The following DNAH7 variants were observed in gnomAD, a reference collection of about 807,000 sequenced individuals.
DNAH7 encodes dynein axonemal heavy chain 7, also known as axonemal beta dynein heavy chain 7.
In DNAH7, 397 loss-of-function variants were observed where a neutral mutation model predicts 444.6. The observed-to-expected ratio is 0.89, with a 90% CI of 0.82 to 0.97. The LOEUF (loss-of-function observed/expected upper bound fraction) is 0.97, where lower values mean the gene tolerates loss of function less well. Ranked by LOEUF, DNAH7 falls within the 50% of genes least tolerant of loss-of-function variation. DNAH7 has a pLI of 0.00. For synonymous variants in DNAH7, 1,636 were observed against 1,624.4 expected, an observed-to-expected ratio of 1.01 and a Z score of -0.17; for missense variants, 4,902 against 4,800.8, an observed-to-expected ratio of 1.02 and a Z score of -0.62.
chr2:195,914,459 A>G (rs1348851127), intron 24 of DNAH7, among the ~76,000 whole-genome samples: 1 of 152,170 alleles, frequency 6.6e-6, no homozygotes, highest in Admixed American at 6.5e-5. Context: ...AGGTTCTTCA[A>G]GTGATTGGGC....
chr2:195,833,571 T>A (rs1300712848), intron 48 of DNAH7, among the ~76,000 whole-genome samples: 1 of 152,238 alleles, frequency 6.6e-6, no homozygotes, highest in East Asian at 1.9e-4. Context: ...GCTACATGAA[T>A]TTAAAGCATG....
intron 35 of DNAH7, among the ~76,000 whole-genome samples, chr2:195,883,450 C>A (rs1701528642): frequency 7.3e-6 from 1 of 136,478 alleles, no homozygotes; most frequent in Admixed American, 6.9e-5. Context: ...TCAGTCCCCG[C>A]TCCCCCCCCC....
intron 29 of DNAH7, among the ~76,000 whole-genome samples, 170 bp from the exon 30 acceptor site, chr2:195,895,394 A>G (rs1384707622): frequency 6.6e-6 from 1 of 152,058 alleles, no homozygotes; most frequent in African/African-American, 2.4e-5. Flanking sequence ...CTTTTTTTCA[A>G]TTTTTAAATT....
chr2:195,761,406 T>C (rs982100869), intron 61 of DNAH7, among the ~76,000 whole-genome samples: 3 of 152,034 alleles, frequency 2.0e-5, no homozygotes, highest in African/African-American at 7.2e-5. Flanking sequence ...GAGATATATA[T>C]GGGAAGAAAG....
chr2:195,897,141 T>C (rs1394318154), intron 29 of DNAH7, among the ~76,000 whole-genome samples: 1 of 152,214 alleles, frequency 6.6e-6, no homozygotes, highest in African/African-American at 2.4e-5. Flanking sequence ...AAGGATATTA[T>C]GAAAACTTTA....
intron 63 of DNAH7, among the ~76,000 whole-genome samples, chr2:195,753,753 T>G (rs1173009228): frequency 3.9e-5 from 6 of 152,188 alleles, no homozygotes. Context: ...AGCCATAAAG[T>G]GTAGACAATC....
intron 1 of DNAH7, among the ~76,000 whole-genome samples, chr2:196,058,992 G>A (rs1452520657): frequency 6.6e-6 from 1 of 152,026 alleles, no homozygotes; most frequent in African/African-American, 2.4e-5. Flanking sequence ...GAGATCAAGG[G>A]AATAGAATTA....
Position 195,794,363 on chromosome 2 carries a change from T to G in DNAH7, c.10691A>C (p.Glu3564Ala). Residue 3564 changes from glutamate (E) to alanine (A), a missense_variant, in exon 57 of 65, where the codon GAG (glutamate) becomes GCG (alanine). By Grantham distance (107) the Glu-to-Ala change is moderately radical. Coordinates refer to ENST00000312428, the MANE Select transcript of DNAH7 (RefSeq NM_018897.3). The part of the protein sequence containing the change: ...SYLMDPISDP[E>A]FFGSCKKPEE... ...AGGCTTTTTGCAGCTGCCAAAGAACTCCGGATCAGAGATCGGGTCCATGAG... is the reference window on the plus strand; with the variant it reads ...AGGCTTTTTGCAGCTGCCAAAGAACGCCGGATCAGAGATCGGGTCCATGAG... 1 of 1,614,154 alleles carries G rather than the reference T, an allele frequency of 6.2e-7. No individual in the cohort carries two copies. Among genetic ancestry groups the G allele is most frequent in the South Asian group, 1.1e-5 (1 of 91,080 alleles).
At chr2:195,888,510 T>C (rs1186286245) in intron 32 of DNAH7, 76 bp from the exon 33 acceptor site, 3 of 1,425,208 alleles carry the variant, frequency 2.1e-6, no homozygotes, top group African/African-American at 1.5e-5. Context: ...TCTGTTTTTT[T>C]ATAACCTTCA....
chr2:195,864,434 A>C lies in DNAH7; in HGVS notation c.7221T>G (p.Ser2407=). The change falls in exon 41 of 65, where the codon TCT becomes TCG. Residue 2407 remains serine, a synonymous_variant. Transcript: ENST00000312428. ...LFTDTQIKEE[S]FLEDVSNLLN... ...GCAGATTACTGACATCTTCCAGAAA[A>C]GACTCTTCTTTAATTTGAGTATCTG... 6.2e-7 allele frequency: 1 copy of C among 1,614,188 alleles called. No individual in the cohort carries two copies. The highest frequency in any genetic ancestry group is 8.5e-7 in the Non-Finnish European group (1 of 1,180,036).
chr2:195,863,903 C>T (rs1282802398), intron 41 of DNAH7, among the ~76,000 whole-genome samples: 2 of 152,162 alleles, frequency 1.3e-5, no homozygotes, highest in Non-Finnish European at 1.5e-5. Context: ...CCTGTCAGGA[C>T]TCTGATACAC....
intron 39 of DNAH7, 51 bp downstream of exon 39, chr2:195,873,517 A>G (rs1700840505): frequency 1.8e-6 from 2 of 1,112,030 alleles, no homozygotes; most frequent in Admixed American, 3.1e-5. Flanking sequence ...ATATGTTTCT[A>G]AAATATTTTA....
chr2:195,759,680 G>A (rs570668008), intron 61 of DNAH7, among the ~76,000 whole-genome samples: 17 of 152,082 alleles, frequency 1.1e-4, no homozygotes, highest in Middle Eastern at 3.4e-3. Context: ...GTGAAACCCC[G>A]TCTCTACAAA....
chr2:195,855,060 A>G (rs1277941029), intron 45 of DNAH7, among the ~76,000 whole-genome samples: 2 of 152,204 alleles, frequency 1.3e-5, no homozygotes, highest in African/African-American at 4.8e-5. Flanking sequence ...TGGGTTGACG[A>G]TGGACAAGTT....
intron 17 of DNAH7, among the ~76,000 whole-genome samples, chr2:195,962,797 TC>T (rs1691199492): frequency 6.6e-6 from 1 of 152,244 alleles, no homozygotes; most frequent in African/African-American, 2.4e-5. Context: ...TAACCATTCT[TC>T]TACTCTGTAT....
intron 46 of DNAH7, among the ~76,000 whole-genome samples, chr2:195,847,347 T>A (rs187275556): frequency 5.9e-5 from 9 of 151,882 alleles, no homozygotes; most frequent in African/African-American, 2.2e-4. Flanking sequence ...TGCAGCAACA[T>A]GGATGGAACT....
Position 195,834,357 on chromosome 2 carries a change from A to C in DNAH7, c.8949T>G (p.Asn2983Lys), listed in dbSNP as rs1574520017. The part of the protein sequence containing the change: ...FSIDNGIIIM[N>K]ARRWPLMIDP... ...CTATCATCAGAGGCCACCTTCTTGC[A>C]TTCCTGAAAAGGAGGAGAAAGACGA... Residue 2983 changes from asparagine (N) to lysine (K), a missense_variant, in exon 48 of 65, where the codon AAT becomes AAG. Asn to Lys is a moderately conservative substitution (Grantham distance 94). Coordinates refer to ENST00000312428, the MANE Select transcript of DNAH7 (RefSeq NM_018897.3). The C allele has an allele frequency of 3.1e-6, 5 of 1,589,882 alleles. No individual in the cohort carries two copies. Among genetic ancestry groups the C allele is most frequent in the Non-Finnish European group, 4.3e-6 (5 of 1,161,972 alleles).
At chr2:195,786,946 T>C (rs933802246) in intron 58 of DNAH7, 64 bp downstream of exon 58, 4 of 1,470,798 alleles carry the variant, frequency 2.7e-6, no homozygotes, top group East Asian at 4.7e-5. Context: ...CCACTTACTA[T>C]AACACACTTA....
intron 55 of DNAH7, among the ~76,000 whole-genome samples, chr2:195,797,006 G>T (rs1696177936): frequency 6.6e-6 from 1 of 152,152 alleles, no homozygotes; most frequent in Admixed American, 6.5e-5. Context: ...GGGATAGAAA[G>T]AATAAATTAA....
Sources: allele counts gnomAD v4.1 joint callset (sites outside exome capture counted in the v4.1 genomes callset), GRCh38; gene constraint gnomAD v4.1.1; transcripts MANE v1.5; gene names NCBI Gene and HGNC (gene_info 2026-07-23, HGNC 2026-07-21).